The following NOS1AP variants were observed in gnomAD, a reference collection of about 807,000 sequenced individuals.
The protein encoded by NOS1AP is nitric oxide synthase 1 adaptor protein, also known as carboxyl-terminal PDZ ligand of neuronal nitric oxide synthase protein.
A neutral mutation model predicts 56.2 loss-of-function variants in NOS1AP; 21 were observed. The ratio of observed to expected loss-of-function variants is 0.37; its 90% CI spans 0.26 to 0.54. The LOEUF (loss-of-function observed/expected upper bound fraction) is 0.54, where lower values mean the gene tolerates loss of function less well. Ranked by LOEUF, NOS1AP falls within the 20% of genes least tolerant of loss-of-function variation. The pLI, the probability that NOS1AP is intolerant of heterozygous loss-of-function variation, is 0.84. For synonymous variants in NOS1AP, 270 were observed against 274.6 expected, an observed-to-expected ratio of 0.98 and a Z score of 0.17; for missense variants, 522 against 657.8, an observed-to-expected ratio of 0.79 and a Z score of 2.26.
intron 2 of NOS1AP, among the ~76,000 whole-genome samples, chr1:162,234,932 G>C (rs1204289400): frequency 6.6e-6 from 1 of 152,146 alleles, no homozygotes; most frequent in Non-Finnish European, 1.5e-5. Context: ...ACCCTACTCT[G>C]ATTCCAACCC....
chr1:162,166,963 T>A (rs1650529799), intron 2 of NOS1AP, among the ~76,000 whole-genome samples: 2 of 152,140 alleles, frequency 1.3e-5, no homozygotes, highest in Non-Finnish European at 2.9e-5. Flanking sequence ...ATCTGGTGAA[T>A]CCATCAGGTC....
At chr1:162,209,035 A>C (rs1468184415) in intron 2 of NOS1AP, among the ~76,000 whole-genome samples, 1 of 152,248 alleles carries the variant, frequency 6.6e-6, no homozygotes, top group Admixed American at 6.5e-5. Context: ...CTGCAGGGGA[A>C]TGAGCAAATT....
Position 162,070,181 on chromosome 1 carries a change from C to T in NOS1AP, c.4C>T (p.Pro2Ser), listed in dbSNP as rs1691631077. M[P>S]SKTKYNLVDD... ...AGCGGGTCCGCCGCGGGTAACCATG[C>T]CTAGCAAAACCAAGTACAACCTTGT... The change falls in exon 1 of 10, where the codon CCT becomes TCT. Residue 2 changes from proline to serine, a missense_variant. Transcript: ENST00000361897. 4 of 1,613,534 alleles carry T rather than the reference C, an allele frequency of 2.5e-6. No individual in the cohort carries two copies. Among genetic ancestry groups the T allele is most frequent in the Non-Finnish European group, 3.4e-6 (4 of 1,179,664 alleles).
At chr1:162,153,739 A>G (rs1376389296) in intron 1 of NOS1AP, among the ~76,000 whole-genome samples, 1 of 152,236 alleles carries the variant, frequency 6.6e-6, no homozygotes, top group African/African-American at 2.4e-5. Context: ...AGAGAGATGT[A>G]CATCAACTGT....
chr1:162,230,156 G>A (rs957499685), intron 2 of NOS1AP, among the ~76,000 whole-genome samples: 5 of 152,190 alleles, frequency 3.3e-5, no homozygotes, highest in African/African-American at 9.7e-5. Flanking sequence ...GGGCCCACTG[G>A]ATGGTAGAGA....
intron 2 of NOS1AP, among the ~76,000 whole-genome samples, chr1:162,211,903 A>C (rs1652360003): frequency 6.6e-6 from 1 of 152,180 alleles, no homozygotes; most frequent in Non-Finnish European, 1.5e-5. Context: ...CAGTACTTGT[A>C]GCTTCCCCCC....
intron 2 of NOS1AP, among the ~76,000 whole-genome samples, chr1:162,252,982 G>T (rs1653916164): frequency 6.6e-6 from 1 of 152,066 alleles, no homozygotes; most frequent in African/African-American, 2.4e-5. Context: ...GTACATGCCT[G>T]GTGCCTAATT....
At chr1:162,085,478 T>A (rs966640665) in intron 1 of NOS1AP, among the ~76,000 whole-genome samples, 1 of 152,128 alleles carries the variant, frequency 6.6e-6, no homozygotes, top group African/African-American at 2.4e-5. Context: ...AGAACTGGGG[T>A]CCTCCCCAAG....
At chr1:162,221,193 C>A (rs1652756033) in intron 2 of NOS1AP, among the ~76,000 whole-genome samples, 1 of 152,226 alleles carries the variant, frequency 6.6e-6, no homozygotes, top group Non-Finnish European at 1.5e-5. Flanking sequence ...CCCACCTTGG[C>A]CTCCCAAAGT....
At chr1:162,308,569 C>T (rs1655921665) in intron 4 of NOS1AP, among the ~76,000 whole-genome samples, 1 of 152,270 alleles carries the variant, frequency 6.6e-6, no homozygotes, top group Non-Finnish European at 1.5e-5. Context: ...ACTGGACATC[C>T]TCATATCCAC....
intron 2 of NOS1AP, among the ~76,000 whole-genome samples, chr1:162,202,966 T>A (rs572939054): frequency 6.6e-6 from 1 of 152,286 alleles, no homozygotes; most frequent in African/African-American, 2.4e-5. Flanking sequence ...TGTTGGCTAC[T>A]AAGAGCCACT....
intron 1 of NOS1AP, among the ~76,000 whole-genome samples, chr1:162,111,740 A>G (rs545758337): frequency 1.4e-4 from 22 of 152,344 alleles, no homozygotes; most frequent in Middle Eastern, 3.4e-3. Context: ...ATTTCTGGCC[A>G]AAAATGGAAT....
chr1:162,191,650 A>C (rs990346942), intron 2 of NOS1AP, among the ~76,000 whole-genome samples: 1 of 151,940 alleles, frequency 6.6e-6, no homozygotes, highest in South Asian at 2.1e-4. Context: ...AGCTGGCTAC[A>C]TTCTCTTCCT....
intron 3 of NOS1AP, among the ~76,000 whole-genome samples, chr1:162,296,977 T>G (rs1655485708): frequency 6.6e-6 from 1 of 152,054 alleles, no homozygotes; most frequent in Non-Finnish European, 1.5e-5. Context: ...TTGGGTAGAG[T>G]TGGGTCTTTT....
At chr1:162,243,798 A>G (rs1653574487) in intron 2 of NOS1AP, among the ~76,000 whole-genome samples, 1 of 151,692 alleles carries the variant, frequency 6.6e-6, no homozygotes, top group African/African-American at 2.4e-5. Flanking sequence ...GCAGGGACCC[A>G]CAGGACCATT....
chr1:162,336,618 A>G (rs1297076924), intron 5 of NOS1AP, among the ~76,000 whole-genome samples: 1 of 152,216 alleles, frequency 6.6e-6, no homozygotes, highest in African/African-American at 2.4e-5. Context: ...AAGGAAGTAA[A>G]TCACCCTTGG....
intron 2 of NOS1AP, among the ~76,000 whole-genome samples, chr1:162,160,861 C>T (rs967785108): frequency 3.3e-5 from 5 of 152,154 alleles, no homozygotes; most frequent in Non-Finnish European, 7.3e-5. Context: ...CACAAACTTA[C>T]AGTTCTGGAG....
chr1:162,184,192 G>A (rs532535414), intron 2 of NOS1AP, among the ~76,000 whole-genome samples: 46 of 152,304 alleles, frequency 3.0e-4, no homozygotes, highest in Non-Finnish European at 4.7e-4. Flanking sequence ...GGAATGGCTG[G>A]TTGGTGGAGC....
At chr1:162,208,552 G>T (rs535286809) in intron 2 of NOS1AP, among the ~76,000 whole-genome samples, 1 of 152,108 alleles carries the variant, frequency 6.6e-6, no homozygotes, top group Non-Finnish European at 1.5e-5. Flanking sequence ...TTTGTTGTAA[G>T]GGGCTGTCCT....
Sources: allele counts gnomAD v4.1 joint callset (sites outside exome capture counted in the v4.1 genomes callset), GRCh38; gene constraint gnomAD v4.1.1; transcripts MANE v1.5; gene names NCBI Gene and HGNC (gene_info 2026-07-23, HGNC 2026-07-21).